Variants in EPB41L3 observed in about 807,000 individuals in gnomAD.
The protein encoded by EPB41L3 is band 4.1-like protein 3.
EPB41L3 carries 57 observed loss-of-function variants against 127.1 expected under a neutral mutation model. That is an observed-to-expected ratio of 0.45 (90% confidence interval 0.36 to 0.56). The LOEUF (loss-of-function observed/expected upper bound fraction) is 0.56, where lower values mean the gene tolerates loss of function less well. Among genes scored for constraint, EPB41L3 ranks in the 20% least tolerant of loss-of-function variants. The pLI, the probability that EPB41L3 is intolerant of heterozygous loss-of-function variation, is 0.00. For missense variants in EPB41L3, 1,273 were observed against 1,372.2 expected (o/e 0.93, Z 1.14); for synonymous variants, 572 against 549.5 (o/e 1.04, Z -0.57).
At chr18:5,552,484 T>G (rs2093979392) in intron 3 of EPB41L3, among the ~76,000 whole-genome samples, 1 of 152,196 alleles carries the variant, frequency 6.6e-6, no homozygotes, top group Non-Finnish European at 1.5e-5. Context: ...AGGTACTTTT[T>G]GATGAAACAG....
At chr18:5,532,903 C>T (rs2093456000) in intron 1 of EPB41L3, among the ~76,000 whole-genome samples, 1 of 151,706 alleles carries the variant, frequency 6.6e-6, no homozygotes, top group Non-Finnish European at 1.5e-5. Flanking sequence ...AGCTGGAATC[C>T]AACTCTTAAA....
intron 2 of EPB41L3, among the ~76,000 whole-genome samples, chr18:5,487,760 C>T (rs1341544930): frequency 3.3e-5 from 5 of 150,418 alleles, no homozygotes; most frequent in Admixed American, 6.6e-5. Flanking sequence ...CCACTGAGCC[C>T]GGCCTCAAAT....
At chr18:5,453,053 C>T (rs576485569) in intron 3 of EPB41L3, among the ~76,000 whole-genome samples, 1 of 152,292 alleles carries the variant, frequency 6.6e-6, no homozygotes, top group South Asian at 2.1e-4. Context: ...TGGGCATTGC[C>T]TCCATTCCTG....
chr18:5,393,672 T>A (rs2143503678), intron 22 of EPB41L3, 194 bp from the exon 23 acceptor site: 1 of 455,036 alleles, frequency 2.2e-6, no homozygotes. Context: ...TGGCTGAAGC[T>A]CATGGAAGAA....
rs200875404 is a variant in EPB41L3, at chr18:5,416,223, G to A, written c.1662C>T (p.Pro554=). The A allele has an allele frequency of 3.5e-5, 56 of 1,614,110 alleles. No individual in the cohort carries two copies. The Admixed American group carries it at 7.2e-4, about 21-fold the overall frequency. ...TCCCTGGGCCATCAGAGTCCAAGGC[G>A]GGCTCTCCAGGCAGGTGCTCAGCTC... ...PSRAEHLPGE[P]ALDSDGPGRP... Residue 554 remains proline, a synonymous_variant, in exon 13 of 23, where the codon CCC becomes CCT. Transcript: ENST00000341928.
At chr18:5,522,097 T>G (rs1007270509) in intron 1 of EPB41L3, among the ~76,000 whole-genome samples, 2 of 151,994 alleles carry the variant, frequency 1.3e-5, no homozygotes, top group African/African-American at 4.8e-5. Flanking sequence ...AATCGTTATT[T>G]ATTTATTTAT....
chr18:5,468,749 C>A (rs952563893), intron 3 of EPB41L3, among the ~76,000 whole-genome samples: 3 of 152,170 alleles, frequency 2.0e-5, no homozygotes, highest in African/African-American at 7.2e-5. Context: ...CCCCTCTCTA[C>A]TAAAAATACA....
chr18:5,504,468 T>G (rs539297474), intron 1 of EPB41L3, among the ~76,000 whole-genome samples: 1 of 152,178 alleles, frequency 6.6e-6, no homozygotes, highest in Admixed American at 6.5e-5. Context: ...CACACAGGAG[T>G]GGGACCGGCA....
chr18:5,564,591 C>A (rs2094174423), intron 3 of EPB41L3, among the ~76,000 whole-genome samples: 1 of 152,002 alleles, frequency 6.6e-6, no homozygotes, highest in African/African-American at 2.4e-5. Flanking sequence ...GGAGGTAATG[C>A]CCTTGAACTG....
At chr18:5,412,550 C>T (rs2076327843) in intron 13 of EPB41L3, among the ~76,000 whole-genome samples, 1 of 152,186 alleles carries the variant, frequency 6.6e-6, no homozygotes, top group Admixed American at 6.5e-5. Flanking sequence ...ATTTAGTGTT[C>T]TAATTAGCTG....
intron 1 of EPB41L3, among the ~76,000 whole-genome samples, chr18:5,624,297 G>A (rs35444489): frequency 0.079 from 12,078 of 152,186 alleles, 574 homozygotes; most frequent in South Asian, 0.22. Context: ...GTCTGGCCTC[G>A]CTCATGTATT....
chr18:5,403,899 T>C (rs2074937453), intron 16 of EPB41L3, among the ~76,000 whole-genome samples: 1 of 152,228 alleles, frequency 6.6e-6, no homozygotes, highest in Admixed American at 6.5e-5. Flanking sequence ...GTATGTTTTC[T>C]ATGTGCATAA....
At chr18:5,544,878 A>T (rs1336336687), upstream of EPB41L3, among the ~76,000 whole-genome samples, 4 of 152,208 alleles carry the variant, frequency 2.6e-5, no homozygotes, top group Non-Finnish European at 4.4e-5. Flanking sequence ...GCATGCCTGT[A>T]TCAAAACATC....
chr18:5,408,273 C>CTTTTT (rs1208956534), intron 14 of EPB41L3, among the ~76,000 whole-genome samples: 1 of 50,468 alleles, frequency 2.0e-5, no homozygotes, highest in African/African-American at 3.3e-5. Flanking sequence ...TTTCTTTTTT[C>CTTTTT]TTTTTTTTTT....
At chr18:5,521,135 T>C (rs2092972407) in intron 1 of EPB41L3, 1 of 152,228 alleles carries the variant, frequency 6.6e-6, no homozygotes, top group Non-Finnish European at 1.5e-5. Context: ...CCCATTTTAT[T>C]ATTCAAACAG....
At chr18:5,474,562 T>C (rs2086794019) in intron 3 of EPB41L3, among the ~76,000 whole-genome samples, 2 of 152,164 alleles carry the variant, frequency 1.3e-5, no homozygotes, top group Admixed American at 1.3e-4. Flanking sequence ...TTAATGATTT[T>C]AAGTTGACGT....
chr18:5,418,082 T>C (rs1015412314), intron 12 of EPB41L3, among the ~76,000 whole-genome samples: 26 of 152,328 alleles, frequency 1.7e-4, no homozygotes, highest in African/African-American at 6.3e-4. Context: ...AGGTTTAACC[T>C]TCCATGCTGA....
At chr18:5,623,560 G>A (rs772268023) in intron 1 of EPB41L3, among the ~76,000 whole-genome samples, 3 of 152,082 alleles carry the variant, frequency 2.0e-5, no homozygotes, top group Non-Finnish European at 4.4e-5. Flanking sequence ...CCTGAAATAT[G>A]GAAGCTGGTC....
chr18:5,445,396 G>A, intron 3 of EPB41L3, 152 bp from the exon 4 acceptor site: 2 of 647,962 alleles, frequency 3.1e-6, no homozygotes. Context: ...TCCTGTTTAA[G>A]TGCAAAAATG....
Sources: gnomAD v4.1 joint callset for allele counts (sites outside exome capture counted in the v4.1 genomes callset) on GRCh38, gnomAD v4.1.1 for gene constraint, MANE v1.5 for transcripts, NCBI Gene and HGNC (gene_info 2026-07-23, HGNC 2026-07-21) for gene names.